MON1A: variants seen among roughly 807,000 people sequenced by gnomAD.
MON1A encodes MON1 vesicular trafficking associated A.
A neutral mutation model predicts 44.6 loss-of-function variants in MON1A; 29 were observed. The ratio of observed to expected loss-of-function variants is 0.65; its 90% CI spans 0.48 to 0.89. The LOEUF is 0.89. MON1A is among the 40% of genes least tolerant of loss of function. The probability of loss-of-function intolerance (pLI) is 0.00; values close to 1 mark genes in which losing one functional copy is unlikely to be tolerated. For synonymous variants in MON1A, 275 were observed against 316.4 expected, an observed-to-expected ratio of 0.87 and a Z score of 1.39; for missense variants, 615 against 759.6, an observed-to-expected ratio of 0.81 and a Z score of 2.24.
intron 1 of MON1A, chr3:49,924,555 T>G: frequency 3.5e-6 from 1 of 286,088 alleles, no homozygotes; most frequent in Non-Finnish European, 7.4e-6. Flanking sequence ...GACGGGCGCC[T>G]GTAATCCCAA....
intron 1 of MON1A, among the ~76,000 whole-genome samples, chr3:49,928,432 G>A (rs548425994): frequency 1.8e-3 from 272 of 152,216 alleles, no homozygotes; most frequent in Non-Finnish European, 2.2e-3. Flanking sequence ...CCCTTCTCAG[G>A]GAACCCTTCT....
intron 1 of MON1A, among the ~76,000 whole-genome samples, chr3:49,926,527 G>A (rs1471497565): frequency 2.0e-5 from 3 of 152,142 alleles, no homozygotes; most frequent in African/African-American, 7.2e-5. Flanking sequence ...TGCAATCACA[G>A]CTAACTGTAG....
chr3:49,915,853 G>A (rs1400333816), intron 1 of MON1A: 1 of 152,290 alleles, frequency 6.6e-6, no homozygotes, highest in Non-Finnish European at 1.5e-5. Flanking sequence ...AGTGGTAACA[G>A]AGCTAGCTGG....
At chr3:49,919,736 C>T (rs1014129475) in intron 1 of MON1A, among the ~76,000 whole-genome samples, 31 of 152,242 alleles carry the variant, frequency 2.0e-4, no homozygotes, top group African/African-American at 7.0e-4. Context: ...CCCACCTTCA[C>T]GGATCCAAAG....
rs373634393 is a variant in MON1A at position 49,910,892 on chromosome 3, C to T, written c.614-8G>A. On this transcript the variant is annotated splice_region_variant and splice_polypyrimidine_tract_variant and intron_variant, in intron 3 of 5. Transcript: ENST00000296473. The surrounding 1 kb of genome is among the most constrained non-coding windows in gnomAD (Gnocchi z 8.0). ...ATACTACCTTGTAGCCATCTGAGAG[C>T]GGGACAGGAAAGAAGGATGTCAGCC... The T allele has an allele frequency of 6.3e-7, 1 of 1,587,994 alleles. No individual in the cohort carries two copies. Among genetic ancestry groups the T allele is most frequent in the Non-Finnish European group, 8.6e-7 (1 of 1,162,444 alleles).
intron 1 of MON1A, among the ~76,000 whole-genome samples, 197 bp from the exon 2 acceptor site, chr3:49,913,556 TA>T (rs1028283691): frequency 6.6e-6 from 1 of 150,662 alleles, no homozygotes; most frequent in Non-Finnish European, 1.5e-5. Flanking sequence ...ATATTCATTG[TA>T]AAAAAAAGAC....
At chr3:49,916,838 C>G (rs2082948969) in intron 1 of MON1A, 1 of 152,332 alleles carries the variant, frequency 6.6e-6, no homozygotes. Context: ...ACCACCACAA[C>G]ACCACAAGGC....
chr3:49,912,501 A>G (rs2082898060), intron 2 of MON1A: 1 of 162,360 alleles, frequency 6.2e-6, no homozygotes, highest in African/African-American at 2.4e-5. Context: ...CTCTTGTGGC[A>G]CTTGCCAGTT....
At position 49,911,337 on chromosome 3, in the gene MON1A, C is replaced by T. The variant is rs968498474; in HGVS notation, c.613+189G>A. 7.9e-5 allele frequency among the ~76,000 whole-genome samples: 12 copies of T among 152,266 alleles called. No homozygotes were observed. Among genetic ancestry groups the T allele is most frequent in the Admixed American group, 5.2e-4 (8 of 15,300 alleles). ...TGTCAGAGGCAACTTTGGTCCTCGC[C>T]GCAGCCCCATGAGGCCAGCAGTGTT... On this transcript the variant is annotated intron_variant, in intron 3 of 5. Coordinates refer to ENST00000296473, the MANE Select transcript of MON1A (RefSeq NM_032355.4). This position sits in a 1 kb window ranked among gnomAD's most constrained non-coding sequence, Gnocchi z 5.7.
In MON1A at chr3:49,910,181, T is replaced by C. The variant is rs1308854460; in HGVS notation, c.1317A>G (p.Gln439=). The C allele has an allele frequency of 1.9e-6, 3 of 1,611,998 alleles. No homozygotes were observed. The highest frequency in any genetic ancestry group is 1.3e-5 in the African/African-American group (1 of 74,902). The part of the protein sequence containing the change: ...ALRTPYYSVA[Q]VGIPDLRHFL... ...AGTGACGCAGGTCAGGGATGCCCAC[T>C]TGGGCAACGCTGTAGTAGGGTGTGC... is the stretch of plus-strand genomic sequence containing the variant. The change falls in exon 4 of 6, where the codon CAA becomes CAG. Residue 439 remains glutamine, a synonymous_variant. Transcript: ENST00000296473. This position sits in a 1 kb window ranked among gnomAD's most constrained non-coding sequence, Gnocchi z 8.0.
rs1339104471 is a variant in MON1A, at chr3:49,911,246, AGTTT to A, written c.613+276_613+279del. Among the ~76,000 whole-genome samples, 1 of 101,506 alleles carries A rather than the reference AGTTT, an allele frequency of 9.9e-6. No homozygotes were observed. The highest frequency in any genetic ancestry group is 4.1e-5 in the African/African-American group (1 of 24,406). The allele number at this position is 101,506 out of a possible 152,430, so 66.6% of individuals were successfully genotyped here. ...GATAGATAGATAGATAGATAGATAG[AGTTT>A]GTTGTTGTTGTTGTTGTTGCCTCCC... On this transcript the variant is annotated intron_variant, in intron 3 of 5. Transcript: ENST00000296473. The surrounding 1 kb of genome is among the most constrained non-coding windows in gnomAD (Gnocchi z 5.7).
chr3:49,923,415 AAAGG>A (rs1025672353), intron 1 of MON1A, among the ~76,000 whole-genome samples: 2 of 150,480 alleles, frequency 1.3e-5, no homozygotes, highest in Admixed American at 6.6e-5. Context: ...GGAAAGGAAG[AAAGG>A]AAGGAAAGAA....
rs779134025 is a variant in MON1A, at chr3:49,913,219, C to T, written c.127+1G>A. On this transcript the variant is annotated splice_donor_variant, in intron 2 of 5. Coordinates refer to ENST00000296473, the MANE Select transcript of MON1A (RefSeq NM_032355.4). LOFTEE classifies it high-confidence loss of function. The stretch of plus-strand genomic sequence containing the variant: ...GGCTGAGGCTGTACACTTGCCCATA[C>T]CTGGCTCCATTCCCTGGGCCATTCC... 32 of 1,614,246 alleles carry T rather than the reference C, an allele frequency of 2.0e-5. No individual in the cohort carries two copies. The Admixed American group carries it at 2.5e-4, about 13-fold the overall frequency.
intron 1 of MON1A, among the ~76,000 whole-genome samples, chr3:49,923,286 C>T (rs1398756637): frequency 2.3e-5 from 3 of 131,636 alleles, no homozygotes; most frequent in Non-Finnish European, 3.2e-5. Context: ...AGGTTGAGAT[C>T]GCGCCACCGC....
At chr3:49,916,794 C>T (rs1559494136) in intron 1 of MON1A, 3 of 152,266 alleles carry the variant, frequency 2.0e-5, no homozygotes, top group Non-Finnish European at 1.5e-5. Context: ...GAGGTCCCCT[C>T]TGAGACTGAG....
At chr3:49,929,254 C>A (rs1328571721) in intron 1 of MON1A, 1 of 361,538 alleles carries the variant, frequency 2.8e-6, no homozygotes, top group African/African-American at 2.2e-5. Context: ...AAGCCCCTTC[C>A]AGGTGCTGCC....
At chr3:49,921,155 T>TC (rs760411683) in intron 1 of MON1A, among the ~76,000 whole-genome samples, 24 of 150,510 alleles carry the variant, frequency 1.6e-4, no homozygotes, top group Non-Finnish European at 3.1e-4. Flanking sequence ...AGACCCTGTC[T>TC]CCTTTTTTTT....
Position 49,910,400 on chromosome 3 carries a change from G to A in MON1A, c.1098C>T (p.Pro366=), listed in dbSNP as rs773804922. The A allele has an allele frequency of 2.5e-6, 4 of 1,614,210 alleles. No homozygotes were observed. The highest frequency in any genetic ancestry group is 3.4e-6 in the Non-Finnish European group (4 of 1,180,042). ...CTGCGTTGAATTTGGGCAGGCACAC[G>A]GGCGTCCAGGCCTCGCCCTCGCGAA... The part of the protein sequence containing the change: ...SSFREGEAWT[P]VCLPKFNAAG... The change falls in exon 4 of 6, where the codon CCC becomes CCT. Residue 366 remains proline (P), a synonymous_variant. Transcript: ENST00000296473. This position sits in a 1 kb window ranked among gnomAD's most constrained non-coding sequence, Gnocchi z 8.0.
chr3:49,917,510 G>T (rs1030542741), intron 1 of MON1A, among the ~76,000 whole-genome samples: 1 of 150,678 alleles, frequency 6.6e-6, no homozygotes, highest in African/African-American at 2.4e-5. Flanking sequence ...GGATGGTCTC[G>T]ATCTCCTGAC....
Sources: gnomAD v4.1 joint callset for allele counts (sites outside exome capture counted in the v4.1 genomes callset) on GRCh38, gnomAD v4.1.1 for gene constraint, Gnocchi (gnomAD v3.1) non-coding constraint, MANE v1.5 for transcripts, NCBI Gene and HGNC (gene_info 2026-07-23, HGNC 2026-07-21) for gene names.